CTNNA2: variants seen among roughly 807,000 people sequenced by gnomAD.
The protein encoded by CTNNA2 is catenin alpha-2.
CTNNA2 carries 42 observed loss-of-function variants against 101.0 expected under a neutral mutation model. That is an observed-to-expected ratio of 0.42 (90% CI 0.32 to 0.54). The LOEUF (loss-of-function observed/expected upper bound fraction) is 0.54. Among genes scored for constraint, CTNNA2 ranks in the 20% least tolerant of loss-of-function variants. The pLI is 0.14. For synonymous variants in CTNNA2, 450 were observed against 456.4 expected (o/e 0.99, Z 0.18); for missense variants, 871 against 1,223.1 (o/e 0.71, Z 4.29).
intron 7 of CTNNA2, among the ~76,000 whole-genome samples, chr2:79,929,284 A>G (rs180967107): frequency 1.3e-5 from 2 of 152,320 alleles, no homozygotes; most frequent in Non-Finnish European, 2.9e-5. Flanking sequence ...TGCAAGATTC[A>G]AGGAATCAGA....
chr2:80,232,321 TTTTG>T (rs71386616), intron 7 of CTNNA2, among the ~76,000 whole-genome samples: 2,060 of 110,520 alleles, frequency 0.019, 101 homozygotes, highest in African/African-American at 0.044. Context: ...AGAATTTGGG[TTTTG>T]TTTGTTTGTT....
intron 7 of CTNNA2, chr2:80,163,241 G>T: frequency 1.3e-6 from 1 of 798,642 alleles, no homozygotes; most frequent in South Asian, 1.7e-5. Flanking sequence ...AGATTATATT[G>T]ATTGATTTTC....
intron 4 of CTNNA2, among the ~76,000 whole-genome samples, chr2:79,864,571 A>T (rs1316557850): frequency 6.6e-6 from 1 of 152,172 alleles, no homozygotes; most frequent in Non-Finnish European, 1.5e-5. Flanking sequence ...ACATAAAGAG[A>T]CTGTTGAAAT....
At chr2:79,526,164 A>G (rs1239849557) in intron 1 of CTNNA2, among the ~76,000 whole-genome samples, 1 of 152,062 alleles carries the variant, frequency 6.6e-6, no homozygotes, top group African/African-American at 2.4e-5. Flanking sequence ...TCAAAATTAT[A>G]AGTGGCATTA....
In CTNNA2 at chr2:79,353,069, A is replaced by G. The variant is rs10183873; in HGVS notation, c.-317-20762A>G. Among the ~76,000 whole-genome samples the G allele has an allele frequency of 2.2e-3, 337 of 152,232 alleles. 3 individuals are homozygous for G. The highest frequency in any genetic ancestry group is 7.8e-3 in the African/African-American group (323 of 41,556). ...TATTAGAAGCTACCCCCATGATCCA[A>G]TCACCTCCCACCAGGACCCACGTCC... On this transcript the variant is annotated intron_variant, in intron 3 of 21. Coordinates refer to the CTNNA2 transcript ENST00000466387.
chr2:80,334,222 G>A (rs192158373), intron 7 of CTNNA2, among the ~76,000 whole-genome samples: 36 of 152,194 alleles, frequency 2.4e-4, no homozygotes, highest in African/African-American at 7.2e-4. Flanking sequence ...GATCTTTCTC[G>A]TCCACTCTTG....
At chr2:79,519,012 T>G (rs1671956796) in intron 1 of CTNNA2, among the ~76,000 whole-genome samples, 1 of 152,052 alleles carries the variant, frequency 6.6e-6, no homozygotes, top group Non-Finnish European at 1.5e-5. Context: ...GCACATCACC[T>G]GAGGCCAGGA....
At chr2:79,622,269 T>C (rs1449423479) in intron 1 of CTNNA2, among the ~76,000 whole-genome samples, 1 of 152,152 alleles carries the variant, frequency 6.6e-6, no homozygotes, top group East Asian at 1.9e-4. Flanking sequence ...TTTCCTAAAT[T>C]TCCTGATTTG....
At chr2:79,960,632 G>A (rs905820346) in intron 7 of CTNNA2, among the ~76,000 whole-genome samples, 4 of 152,180 alleles carry the variant, frequency 2.6e-5, no homozygotes, top group African/African-American at 9.7e-5. Flanking sequence ...AAAGAACACT[G>A]GAGGTTATAA....
chr2:80,415,107 A>G (rs1679928309), intron 8 of CTNNA2, among the ~76,000 whole-genome samples: 2 of 152,212 alleles, frequency 1.3e-5, no homozygotes, highest in East Asian at 1.9e-4. Context: ...AAATGTACAA[A>G]GGCTCCGAAC....
At chr2:80,157,381 G>A (rs188938614) in intron 7 of CTNNA2, among the ~76,000 whole-genome samples, 25 of 152,152 alleles carry the variant, frequency 1.6e-4, no homozygotes, top group East Asian at 3.9e-4. Context: ...TGGGTCCTAC[G>A]GGACCCTGAA....
At chr2:80,596,660 C>T (rs1042831709) in intron 15 of CTNNA2, among the ~76,000 whole-genome samples, 3 of 151,954 alleles carry the variant, frequency 2.0e-5, no homozygotes, top group Non-Finnish European at 2.9e-5. Context: ...CAAACAGAGA[C>T]AATTTGACTT....
At chr2:79,563,152 T>G (rs1192489472) in intron 1 of CTNNA2, among the ~76,000 whole-genome samples, 1 of 94,138 alleles carries the variant, frequency 1.1e-5, no homozygotes, top group Non-Finnish European at 2.1e-5. Context: ...CACCTAATAA[T>G]AAAGATGTGT....
chr2:80,547,690 C>CTT (rs61186189), intron 11 of CTNNA2, among the ~76,000 whole-genome samples: 22 of 124,308 alleles, frequency 1.8e-4, no homozygotes, highest in African/African-American at 6.1e-4. Flanking sequence ...GTCACTTCTG[C>CTT]TTTTTTTTTT....
At chr2:79,545,555 A>C (rs568129642) in intron 1 of CTNNA2, among the ~76,000 whole-genome samples, 53 of 152,340 alleles carry the variant, frequency 3.5e-4, no homozygotes, top group Non-Finnish European at 1.2e-4. Flanking sequence ...CAAACACTTT[A>C]ACTATAAACA....
At chr2:79,242,640 A>C (rs1413735824) in intron 2 of CTNNA2, among the ~76,000 whole-genome samples, 1 of 152,140 alleles carries the variant, frequency 6.6e-6, no homozygotes, top group African/African-American at 2.4e-5. Context: ...CATTCCACGA[A>C]GGTATTGGAG....
At chr2:80,430,534 T>C (rs74647761) in intron 9 of CTNNA2, among the ~76,000 whole-genome samples, 10 of 152,164 alleles carry the variant, frequency 6.6e-5, no homozygotes, top group African/African-American at 2.2e-4. Context: ...CTGTATAGAT[T>C]CATATTTATA....
chr2:80,623,188 G>A (rs916118832), intron 18 of CTNNA2, among the ~76,000 whole-genome samples: 1 of 151,696 alleles, frequency 6.6e-6, no homozygotes, highest in African/African-American at 2.4e-5. Flanking sequence ...ATCAGTCAGA[G>A]CTATAATTCA....
In CTNNA2 at chr2:79,328,875, G is replaced by A. The variant is rs528557561; in HGVS notation, c.-318+16079G>A. 7.2e-5 allele frequency among the ~76,000 whole-genome samples: 11 copies of A among 152,312 alleles called. No homozygotes were observed. In the South Asian group the frequency reaches 1.9e-3, roughly 26 times the overall value. ...AGCTCCCTCCAGAGGCTCAAGGGAT[G>A]TTTCTGACCCTTGCCTTTTCCTACC... On this transcript the variant is annotated intron_variant, in intron 3 of 21. Transcript: ENST00000466387.
Sources: gnomAD v4.1 joint callset for allele counts (sites outside exome capture counted in the v4.1 genomes callset) on GRCh38, gnomAD v4.1.1 for gene constraint, MANE v1.5 for transcripts, NCBI Gene and HGNC (gene_info 2026-07-23, HGNC 2026-07-21) for gene names.